Variants in RPRD1B observed in about 807,000 individuals in gnomAD.
RPRD1B encodes regulation of nuclear pre-mRNA domain-containing protein 1B.
In RPRD1B, 11 loss-of-function variants were observed where a neutral mutation model predicts 41.5. The observed-to-expected ratio is 0.27, with a 90% CI of 0.17 to 0.44. The LOEUF (loss-of-function observed/expected upper bound fraction) is 0.44, where lower values mean the gene tolerates loss of function less well. Ranked by LOEUF, RPRD1B falls within the 20% of genes least tolerant of loss-of-function variation. The pLI, the probability that RPRD1B is intolerant of heterozygous loss-of-function variation, is 1.00. For synonymous variants in RPRD1B, 158 were observed against 155.6 expected (o/e 1.02, Z -0.12); for missense variants, 248 against 389.9 (o/e 0.64, Z 3.06).
At chr20:38,089,623 A>T in intron 6 of RPRD1B, 103 bp from the exon 7 acceptor site, 1 of 925,866 alleles carries the variant, frequency 1.1e-6, no homozygotes, top group African/African-American at 1.6e-5. Flanking sequence ...GCTGGTGGGG[A>T]CAAGGAAGAA....
At chr20:38,045,275 ATT>A (rs1159816190) in intron 2 of RPRD1B, among the ~76,000 whole-genome samples, 1 of 152,218 alleles carries the variant, frequency 6.6e-6, no homozygotes, top group Non-Finnish European at 1.5e-5. Flanking sequence ...CTCAGTTTAG[ATT>A]GGAGTTAGTA....
chr20:38,062,806 C>A lies in RPRD1B; in HGVS notation c.656-3275C>A, dbSNP rs189477834. Among the ~76,000 whole-genome samples the A allele has an allele frequency of 1.4e-3, 191 of 134,760 alleles. 1 individual carries two copies. The highest frequency in any genetic ancestry group is 4.8e-3 in the African/African-American group (174 of 36,226). 88.4% of individuals were successfully genotyped at this position (134,760 alleles called of 152,430 possible). A position where few individuals can be genotyped will look rare whatever the true frequency, so the allele number is the denominator to read the frequency against. ...CACATAACACCCCCACGACTCCCCC[C>A]ATCACCAAATTAAAAGCCAGAGCCC... On this transcript the variant is annotated intron_variant, in intron 5 of 6. Coordinates refer to ENST00000373433, the MANE Select transcript of RPRD1B (RefSeq NM_021215.4).
At position 38,033,986 on chromosome 20, in the gene RPRD1B, C is replaced by T; in HGVS notation, c.39C>T (p.Leu13=). The change falls in exon 1 of 7, where the codon CTC becomes CTT. Residue 13 remains leucine, a synonymous_variant. Coordinates refer to ENST00000373433, the MANE Select transcript of RPRD1B (RefSeq NM_021215.4). ...CTGAGTCGGCGCTGGAGAAGAAGCTCTCGGAGCTGAGCAACTCTCAGCAGA... is the reference window on the plus strand; with the variant it reads ...CTGAGTCGGCGCTGGAGAAGAAGCTTTCGGAGCTGAGCAACTCTCAGCAGA... ...SFSESALEKK[L]SELSNSQQSV... is the part of the protein sequence containing the mutation. 1.2e-6 allele frequency: 2 copies of T among 1,613,798 alleles called. No individual in the cohort carries two copies. Among genetic ancestry groups the T allele is most frequent in the Non-Finnish European group, 8.5e-7 (1 of 1,179,834 alleles).
chr20:38,065,634 G>GT (rs2074347213), intron 5 of RPRD1B, among the ~76,000 whole-genome samples: 1 of 152,116 alleles, frequency 6.6e-6, no homozygotes, highest in African/African-American at 2.4e-5. Context: ...GGTTTGTGGG[G>GT]TTTTTTGGTC....
At chr20:38,038,494 T>TGTTTTG (rs57195367) in intron 1 of RPRD1B, among the ~76,000 whole-genome samples, 35 of 124,878 alleles carry the variant, frequency 2.8e-4, no homozygotes, top group African/African-American at 4.8e-4. Context: ...TGTTTTGTTT[T>TGTTTTG]TTTTTTTTTT....
chr20:38,047,468 G>A (rs879762329), intron 2 of RPRD1B, among the ~76,000 whole-genome samples: 4 of 152,078 alleles, frequency 2.6e-5, no homozygotes, highest in Non-Finnish European at 5.9e-5. Context: ...AAGATGTCGA[G>A]GTATCCCTTC....
At chr20:38,061,734 T>C (rs1203479133) in intron 5 of RPRD1B, among the ~76,000 whole-genome samples, 1 of 152,252 alleles carries the variant, frequency 6.6e-6, no homozygotes, top group Non-Finnish European at 1.5e-5. Context: ...TCCTTGTTGC[T>C]GAACTCAATG....
Position 38,033,879 on chromosome 20 carries a change from C to T in RPRD1B, c.-69C>T, listed in dbSNP as rs1165216891. The T allele has an allele frequency of 1.4e-6, 2 of 1,479,000 alleles. No homozygotes were observed. Among genetic ancestry groups the T allele is most frequent in the Admixed American group, 2.3e-5 (1 of 44,046 alleles). 91.6% of individuals were successfully genotyped at this position (1,479,000 alleles called of 1,614,324 possible). Reference sequence around the variant, plus strand: ...AGCCTGTCAGGTGAGGCCCCGGCCTCGTGCCGTCGCTCTTCCCGCCGCACT... The same window carrying T: ...AGCCTGTCAGGTGAGGCCCCGGCCTTGTGCCGTCGCTCTTCCCGCCGCACT... On this transcript the variant is annotated 5_prime_UTR_variant, in exon 1 of 7. Transcript: ENST00000373433.
intron 3 of RPRD1B, among the ~76,000 whole-genome samples, chr20:38,049,373 T>TTC (rs1555799708): frequency 9.5e-5 from 13 of 136,882 alleles, no homozygotes; most frequent in East Asian, 8.0e-4. Context: ...TTTTCTTTTT[T>TTC]TTTTTTTTTT....
chr20:38,082,388 T>C lies in RPRD1B; in HGVS notation c.832-7338T>C, dbSNP rs571099006. 2.7e-3 allele frequency among the ~76,000 whole-genome samples: 417 copies of C among 152,184 alleles called. 3 individuals carry two copies. The highest frequency in any genetic ancestry group is 5.3e-3 in the Non-Finnish European group (362 of 67,994). ...ATTTTCTTTTTTTGTTGTTGTTTTG[T>C]TTTTGTTTTTGTTTTTGAGACGGAG... On this transcript the variant is annotated intron_variant, in intron 6 of 6. Coordinates refer to ENST00000373433, the MANE Select transcript of RPRD1B (RefSeq NM_021215.4).
chr20:38,035,072 T>C (rs1436387570), intron 1 of RPRD1B, among the ~76,000 whole-genome samples: 2 of 152,212 alleles, frequency 1.3e-5, no homozygotes, highest in African/African-American at 4.8e-5. Context: ...GAGGAAAAAC[T>C]GAGACTCATC....
At chr20:38,046,843 A>G (rs2074126324) in intron 2 of RPRD1B, among the ~76,000 whole-genome samples, 1 of 152,168 alleles carries the variant, frequency 6.6e-6, no homozygotes, top group Non-Finnish European at 1.5e-5. Context: ...TGGAGTCTTT[A>G]TAAGGACTTT....
At chr20:38,076,906 C>CTTTGTTTTTTT (rs2074466261) in intron 6 of RPRD1B, among the ~76,000 whole-genome samples, 1 of 63,510 alleles carries the variant, frequency 1.6e-5, no homozygotes, top group Non-Finnish European at 2.8e-5. Flanking sequence ...CATTCTGGAC[C>CTTTGTTTTTTT]TTTTTTTTTT....
intron 6 of RPRD1B, among the ~76,000 whole-genome samples, chr20:38,087,715 G>A (rs567816892): frequency 1.3e-5 from 2 of 152,286 alleles, no homozygotes; most frequent in South Asian, 4.1e-4. Context: ...AGCCAAAGAA[G>A]AAAAGTACTT....
At chr20:38,071,462 C>T (rs2074412479) in intron 6 of RPRD1B, among the ~76,000 whole-genome samples, 1 of 152,136 alleles carries the variant, frequency 6.6e-6, no homozygotes, top group East Asian at 1.9e-4. Flanking sequence ...GTTGTTGCCA[C>T]CTTTTGGCTC....
At chr20:38,064,251 A>G (rs1387055531) in intron 5 of RPRD1B, among the ~76,000 whole-genome samples, 1 of 152,128 alleles carries the variant, frequency 6.6e-6, no homozygotes, top group Non-Finnish European at 1.5e-5. Context: ...TGAGGAGGGT[A>G]GAGGTTCCTA....
Position 38,048,375 on chromosome 20 carries a change from T to A in RPRD1B, c.309T>A (p.Pro103=), listed in dbSNP as rs750344460. ...AGGCAGATGAAGGCTGTAAAAAACCTTTAGAAAGATTGCTGAACATCTGGC... is the reference window on the plus strand; with the variant it reads ...AGGCAGATGAAGGCTGTAAAAAACCATTAGAAAGATTGCTGAACATCTGGC... The part of the protein sequence containing the change: ...AREADEGCKK[P]LERLLNIWQE... Residue 103 remains proline (P), a synonymous_variant, in exon 3 of 7, where the codon CCT becomes CCA. Coordinates refer to ENST00000373433, the MANE Select transcript of RPRD1B (RefSeq NM_021215.4). 2.5e-5 allele frequency: 40 copies of A among 1,613,778 alleles called. No homozygotes were observed. Among genetic ancestry groups the A allele is most frequent in the Non-Finnish European group, 3.0e-5 (35 of 1,179,868 alleles).
chr20:38,050,092 C>T (rs962705694), intron 3 of RPRD1B, among the ~76,000 whole-genome samples: 4 of 152,320 alleles, frequency 2.6e-5, no homozygotes, highest in East Asian at 1.9e-4. Flanking sequence ...TCATTCCCTC[C>T]TTGTTCTCTG....
rs73905541 is a variant in RPRD1B, at chr20:38,068,587, A to T, written c.831+2331A>T. Among the ~76,000 whole-genome samples, 958 of 152,238 alleles carry T rather than the reference A, an allele frequency of 6.3e-3. 6 individuals are homozygous for T. The highest frequency in any genetic ancestry group is 0.016 in the African/African-American group (670 of 41,538). ...CTAATTTTTTTTGTTTTTAGCAGAG[A>T]CAGAGTTTCACCATATTGGCCAGGC... On this transcript the variant is annotated intron_variant, in intron 6 of 6. Coordinates refer to ENST00000373433, the MANE Select transcript of RPRD1B (RefSeq NM_021215.4).
Sources: allele counts gnomAD v4.1 joint callset (sites outside exome capture counted in the v4.1 genomes callset), GRCh38; gene constraint gnomAD v4.1.1; transcripts MANE v1.5; gene names NCBI Gene and HGNC (gene_info 2026-07-23, HGNC 2026-07-21).